The following ASIC4 variants were observed in gnomAD, a reference collection of about 807,000 sequenced individuals.
ASIC4 encodes acid-sensing ion channel 4.
In ASIC4, 28 loss-of-function variants were observed where a neutral mutation model predicts 53.4. The observed-to-expected ratio is 0.52, with a 90% confidence interval of 0.39 to 0.72. ASIC4 has a LOEUF of 0.72. Among genes scored for constraint, ASIC4 ranks in the 30% least tolerant of loss-of-function variants. The probability of loss-of-function intolerance (pLI) is 0.00; values close to 1 mark genes in which losing one functional copy is unlikely to be tolerated. For missense variants in ASIC4, 649 were observed against 729.7 expected (o/e 0.89, Z 1.27); for synonymous variants, 289 against 301.4 (o/e 0.96, Z 0.43).
chr2:219,532,780 ATG>A (rs1351601934), intron 4 of ASIC4, 101 bp from the exon 5 acceptor site: 3 of 1,114,628 alleles, frequency 2.7e-6, no homozygotes, highest in African/African-American at 3.1e-5. Flanking sequence ...ATTTATGCAA[ATG>A]TGTGCATATG....
upstream of ASIC4, among the ~76,000 whole-genome samples, chr2:219,513,056 G>A (rs376717804): frequency 5.9e-5 from 9 of 152,210 alleles, no homozygotes; most frequent in African/African-American, 1.7e-4. Context: ...CGGGGTGGCC[G>A]TTGGGCAGCG....
At chr2:219,521,600 C>A (rs1375317721) in intron 1 of ASIC4, among the ~76,000 whole-genome samples, 1 of 152,166 alleles carries the variant, frequency 6.6e-6, no homozygotes, top group South Asian at 2.1e-4. Flanking sequence ...ACTCAGTCCC[C>A]GAGTCGTCAG....
chr2:219,534,916 A>AC (rs36123794), intron 5 of ASIC4, among the ~76,000 whole-genome samples: 32,134 of 147,786 alleles, frequency 0.22, 3,803 homozygotes, highest in Non-Finnish European at 0.28. Context: ...GGCCACGAGG[A>AC]CCCCCCCCCA....
upstream of ASIC4, chr2:219,514,446 G>A: frequency 6.5e-7 from 1 of 1,550,052 alleles, no homozygotes; most frequent in Non-Finnish European, 8.7e-7. Flanking sequence ...TGACAGCTGT[G>A]CTGGTGCTGA....
rs1559452822 is a variant in ASIC4, at chr2:219,515,150, GC to G, written c.432del (p.Asp146ThrfsTer18). ...IFHLANLTGL[P>X]PKDRDGHRAA... ...TCCACCTGGCCAATCTGACAGGGCT[GC>G]CCCCCAAAGACCGGGATGGGCACCG... On this transcript the variant is annotated frameshift_variant, in exon 1 of 10. Transcript: ENST00000358078. LOFTEE classifies it high-confidence loss of function. The G allele has an allele frequency of 2.5e-6, 4 of 1,614,138 alleles. No homozygotes were observed. Among genetic ancestry groups the G allele is most frequent in the Non-Finnish European group, 3.4e-6 (4 of 1,180,014 alleles).
rs1695066141 is a variant in ASIC4 at position 219,532,866 on chromosome 2, ATCT to A, written c.1019-13_1019-11del. The A allele has an allele frequency of 1.9e-6, 3 of 1,609,186 alleles. No individual in the cohort carries two copies. The highest frequency in any genetic ancestry group is 2.6e-6 in the Non-Finnish European group (3 of 1,176,136). ...GAAGTGATCGTAGATTCCAGGAATA[ATCT>A]TCTCTCCTTTCAGGCAATGAGACCA... On this transcript the variant is annotated splice_polypyrimidine_tract_variant and intron_variant, in intron 4 of 9. Transcript: ENST00000358078.
the ASIC4 span, among the ~76,000 whole-genome samples, chr2:219,507,485 T>G: frequency 3.3e-5 from 5 of 152,196 alleles, no homozygotes; most frequent in Non-Finnish European, 5.9e-5. Context: ...TGTCTCTGTC[T>G]TCTACTCCCC....
chr2:219,525,180 GT>G (rs1694943661), intron 1 of ASIC4, among the ~76,000 whole-genome samples: 1 of 152,184 alleles, frequency 6.6e-6, no homozygotes, highest in Non-Finnish European at 1.5e-5. Flanking sequence ...GCACCACATA[GT>G]GATCAATCTC....
chr2:219,526,448 A>G (rs187354188), intron 1 of ASIC4, among the ~76,000 whole-genome samples: 1 of 152,312 alleles, frequency 6.6e-6, no homozygotes, highest in East Asian at 1.9e-4. Flanking sequence ...AATAGGATAG[A>G]GAGTGCAGTG....
chr2:219,533,250 C>T, intron 5 of ASIC4: 1 of 491,694 alleles, frequency 2.0e-6, no homozygotes, highest in South Asian at 2.4e-5. Context: ...AATGACTTCT[C>T]TCTTGGTCTC....
chr2:219,510,814 C>T (rs1284373175), upstream of ASIC4, among the ~76,000 whole-genome samples: 3 of 152,064 alleles, frequency 2.0e-5, no homozygotes, highest in Admixed American at 6.5e-5. This position sits in a 1 kb window ranked among gnomAD's most constrained non-coding sequence, Gnocchi z 5.2. Flanking sequence ...CCTCTTCAGT[C>T]GCCTCAGATC....
At chr2:219,525,978 A>G (rs1393274649) in intron 1 of ASIC4, among the ~76,000 whole-genome samples, 1 of 152,182 alleles carries the variant, frequency 6.6e-6, no homozygotes, top group Admixed American at 6.5e-5. Flanking sequence ...GCCCAGGCCG[A>G]AGATTAGCTC....
intron 1 of ASIC4, among the ~76,000 whole-genome samples, chr2:219,529,537 G>A (rs761685138): frequency 2.6e-5 from 4 of 152,162 alleles, no homozygotes; most frequent in Admixed American, 6.5e-5. Context: ...ACCTGGATGG[G>A]GCTGGGGCAG....
At chr2:219,513,022 C>T (rs1405720755), upstream of ASIC4, among the ~76,000 whole-genome samples, 4 of 152,288 alleles carry the variant, frequency 2.6e-5, no homozygotes, top group South Asian at 2.1e-4. Context: ...GCAGAGGCTG[C>T]GGGGCCAGGC....
chr2:219,513,294 G>A (rs183049211), upstream of ASIC4, among the ~76,000 whole-genome samples: 39 of 152,116 alleles, frequency 2.6e-4, no homozygotes, highest in African/African-American at 8.9e-4. Flanking sequence ...CTGTCGGATG[G>A]GGCCCCAGAG....
upstream of ASIC4, chr2:219,514,148 C>A: frequency 1.5e-6 from 1 of 652,568 alleles, no homozygotes; most frequent in Non-Finnish European, 2.5e-6. Context: ...CCTGGGTGGC[C>A]AGGAAGTGGG....
In ASIC4 at chr2:219,515,291, C is replaced by G; in HGVS notation, c.567C>G (p.Ala189=). ...SCNFSGHHCS[A]SNFSVVYTRY... ...ACTTCAGTGGGCATCACTGCTCCGC[C>G]AGCAACTTCTCTGTGGTGAGTTCTG... Residue 189 remains alanine, a synonymous_variant, in exon 1 of 10, where the codon GCC becomes GCG. Coordinates refer to ENST00000358078, the MANE Select transcript of ASIC4 (RefSeq NM_018674.6). The G allele has an allele frequency of 6.2e-7, 1 of 1,610,566 alleles. No homozygotes were observed. The highest frequency in any genetic ancestry group is 8.5e-7 in the Non-Finnish European group (1 of 1,177,584).
chr2:219,526,742 G>A (rs114496813), intron 1 of ASIC4, among the ~76,000 whole-genome samples: 2 of 152,120 alleles, frequency 1.3e-5, no homozygotes, highest in South Asian at 2.1e-4. Context: ...GAAGGAAGGT[G>A]GGGGAGGGGA....
upstream of ASIC4, chr2:219,514,082 T>G: frequency 2.0e-6 from 1 of 490,426 alleles, no homozygotes; most frequent in South Asian, 3.8e-5. Context: ...CTTCATGGGG[T>G]GTGGGCCAGG....
Sources: gnomAD v4.1 joint callset for allele counts (sites outside exome capture counted in the v4.1 genomes callset) on GRCh38, gnomAD v4.1.1 for gene constraint, Gnocchi (gnomAD v3.1) non-coding constraint, MANE v1.5 for transcripts, NCBI Gene and HGNC (gene_info 2026-07-23, HGNC 2026-07-21) for gene names.